The following MGLL variants were observed in gnomAD, a reference collection of about 807,000 sequenced individuals.
MGLL encodes the protein lysophospholipase homolog.
Under a neutral mutation model 29.1 loss-of-function variants are expected in MGLL, and 7 were observed. That is an observed-to-expected ratio of 0.24 (90% CI 0.14 to 0.45). The LOEUF is 0.45. Ranked by LOEUF, MGLL falls within the 20% of genes least tolerant of loss-of-function variation. MGLL has a pLI of 0.99. For synonymous variants in MGLL, 148 were observed against 168.3 expected (o/e 0.88, Z 0.93); for missense variants, 356 against 413.6 (o/e 0.86, Z 1.21).
intron 3 of MGLL, among the ~76,000 whole-genome samples, chr3:127,747,047 T>G (rs762124443): frequency 5.9e-5 from 9 of 152,156 alleles, no homozygotes; most frequent in South Asian, 2.1e-4. Context: ...GTGTCTGCCT[T>G]TGTGTGTCCC....
chr3:127,719,056 T>A (rs1180210697), intron 5 of MGLL, among the ~76,000 whole-genome samples: 1 of 152,156 alleles, frequency 6.6e-6, no homozygotes, highest in Non-Finnish European at 1.5e-5. Context: ...ACCTCATTTG[T>A]CTTGGTTAAT....
intron 3 of MGLL, among the ~76,000 whole-genome samples, chr3:127,780,994 C>T (rs1484603000): frequency 1.3e-5 from 2 of 152,144 alleles, no homozygotes; most frequent in Non-Finnish European, 1.5e-5. Flanking sequence ...AACTACATAC[C>T]GACTCAGACA....
chr3:127,758,904 CT>C (rs753605301), intron 3 of MGLL, among the ~76,000 whole-genome samples: 60 of 141,446 alleles, frequency 4.2e-4, no homozygotes, highest in Non-Finnish European at 6.9e-4. Context: ...CTTTCTTTTT[CT>C]TTTTTTTTTC....
chr3:127,757,735 CGA>C (rs1559949835), intron 3 of MGLL, among the ~76,000 whole-genome samples: 2 of 152,170 alleles, frequency 1.3e-5, no homozygotes, highest in African/African-American at 4.8e-5. Context: ...GACCTGCCTC[CGA>C]GAGAGTGTTT....
chr3:127,710,817 T>C (rs1052369802), intron 5 of MGLL, 152 bp from the exon 6 acceptor site: 29 of 712,380 alleles, frequency 4.1e-5, no homozygotes, highest in Middle Eastern at 3.3e-4. Context: ...TAAGCCTGCA[T>C]GCCCAAGGAC....
intron 2 of MGLL, among the ~76,000 whole-genome samples, chr3:127,818,940 GT>G (rs2077809481): frequency 6.6e-6 from 1 of 152,178 alleles, no homozygotes; most frequent in Non-Finnish European, 1.5e-5. Flanking sequence ...TATAAGATTT[GT>G]TATTACCGTA....
At chr3:127,816,971 C>T (rs556360986) in intron 2 of MGLL, among the ~76,000 whole-genome samples, 12 of 152,324 alleles carry the variant, frequency 7.9e-5, no homozygotes, top group South Asian at 4.1e-4. Flanking sequence ...ATGTCACCGA[C>T]GGGAAAATCC....
At chr3:127,775,111 G>C (rs146908592) in intron 3 of MGLL, among the ~76,000 whole-genome samples, 1 of 152,104 alleles carries the variant, frequency 6.6e-6, no homozygotes, top group Non-Finnish European at 1.5e-5. Context: ...AGGAGGCAAG[G>C]GGACGAAGGG....
At chr3:127,741,753 C>A (rs1320897653) in intron 3 of MGLL, among the ~76,000 whole-genome samples, 1 of 152,234 alleles carries the variant, frequency 6.6e-6, no homozygotes, top group Admixed American at 6.5e-5. Context: ...ACAGGAAGAT[C>A]GTGCAAGCAG....
At position 127,721,113 on chromosome 3, in the gene MGLL, G is replaced by A. The variant is rs923101961; in HGVS notation, c.450C>T (p.Ala150=). The A allele has an allele frequency of 7.4e-6, 12 of 1,614,116 alleles. No individual in the cohort carries two copies. Among genetic ancestry groups the A allele is most frequent in the African/African-American group, 4.0e-5 (3 of 74,938 alleles). Residue 150 remains alanine, a synonymous_variant, in exon 5 of 8, where the codon GCC becomes GCT. Transcript: ENST00000265052. The part of the protein sequence containing the change: ...LTAAERPGHF[A]GMVLISPLVL... ...CCAGAGGCGAAATGAGTACCATGCC[G>A]GCGAAGTGGCCCGGCCTCTCTGCGG...
chr3:127,708,937 C>T (rs1404796884), intron 6 of MGLL, among the ~76,000 whole-genome samples: 5 of 152,234 alleles, frequency 3.3e-5, no homozygotes, highest in African/African-American at 2.4e-5. Flanking sequence ...GAGGGAGGCA[C>T]CAAAGCATGG....
intron 2 of MGLL, among the ~76,000 whole-genome samples, chr3:127,805,263 CGATAAA>C (rs2077545322): frequency 6.6e-6 from 1 of 152,016 alleles, no homozygotes; most frequent in African/African-American, 2.4e-5. Flanking sequence ...AAACGGATGG[CGATAAA>C]TGATCAGGAA....
intron 3 of MGLL, among the ~76,000 whole-genome samples, chr3:127,766,177 A>G (rs545320362): frequency 6.6e-6 from 1 of 152,150 alleles, no homozygotes; most frequent in African/African-American, 2.4e-5. Context: ...CATATGTCCC[A>G]TGCACACTTC....
intron 3 of MGLL, among the ~76,000 whole-genome samples, chr3:127,748,388 G>C (rs1288535025): frequency 6.6e-6 from 1 of 151,512 alleles, no homozygotes; most frequent in Admixed American, 6.6e-5. Context: ...GGAGGAGGGA[G>C]GGAGGGAGAG....
At chr3:127,804,331 C>G (rs376679543) in intron 2 of MGLL, among the ~76,000 whole-genome samples, 1 of 152,210 alleles carries the variant, frequency 6.6e-6, no homozygotes, top group Non-Finnish European at 1.5e-5. Context: ...GGACCAGACC[C>G]GGCTCAAATG....
intron 4 of MGLL, 111 bp from the exon 5 acceptor site, chr3:127,721,274 TGAG>T (rs1278355529): frequency 1.2e-6 from 1 of 852,498 alleles, no homozygotes; most frequent in Non-Finnish European, 1.9e-6. Context: ...CCAAGAGCCC[TGAG>T]GAGGACTACC....
chr3:127,795,252 A>G (rs775965500), intron 2 of MGLL, among the ~76,000 whole-genome samples: 12 of 152,250 alleles, frequency 7.9e-5, no homozygotes, highest in Non-Finnish European at 1.6e-4. Context: ...GGAGATTACT[A>G]AACAAATTAA....
chr3:127,720,318 C>A (rs2075893731), intron 5 of MGLL, among the ~76,000 whole-genome samples: 1 of 152,210 alleles, frequency 6.6e-6, no homozygotes, highest in Non-Finnish European at 1.5e-5. Flanking sequence ...ATTCTCCACC[C>A]TCACTGCGGC....
At chr3:127,711,647 C>T (rs1231995977) in intron 5 of MGLL, 2 of 151,964 alleles carry the variant, frequency 1.3e-5, no homozygotes, top group African/African-American at 4.8e-5. Context: ...GGGCACGTAG[C>T]TCAGTACCCT....
Sources: gnomAD v4.1 joint callset for allele counts (sites outside exome capture counted in the v4.1 genomes callset) on GRCh38, gnomAD v4.1.1 for gene constraint, MANE v1.5 for transcripts, NCBI Gene and HGNC (gene_info 2026-07-23, HGNC 2026-07-21) for gene names.